DHX35: variants seen among roughly 807,000 people sequenced by gnomAD.
DHX35 encodes DEAH-box helicase 35.
Under a neutral mutation model 99.6 loss-of-function variants are expected in DHX35, and 84 were observed. That is an observed-to-expected ratio of 0.84 (90% CI 0.71 to 1.01). The LOEUF is 1.01. Ranked by LOEUF, DHX35 falls within the 50% of genes least tolerant of loss-of-function variation. DHX35 has a pLI of 0.00. For synonymous variants in DHX35, 331 were observed against 316.2 expected, an observed-to-expected ratio of 1.05 and a Z score of -0.50; for missense variants, 852 against 888.5, an observed-to-expected ratio of 0.96 and a Z score of 0.52.
At chr20:38,963,181 T>C (rs1265052342) in intron 1 of DHX35, among the ~76,000 whole-genome samples, 3 of 152,258 alleles carry the variant, frequency 2.0e-5, no homozygotes, top group Non-Finnish European at 4.4e-5. Context: ...TGAATGTGCA[T>C]ATGCCAGACC....
In DHX35 at chr20:38,991,655, C is replaced by T. The variant is rs1235571948; in HGVS notation, c.512+140C>T. ...TTCTCTTGACCTTGGCTGTTGGGAC[C>T]CTTGGTGTTTTTCTCAGAATTTAAA... On this transcript the variant is annotated intron_variant, in intron 6 of 21. Transcript: ENST00000252011. The T allele has an allele frequency of 6.1e-6, 4 of 660,318 alleles. No homozygotes were observed. In the South Asian group the frequency reaches 8.5e-5, roughly 14 times the overall value. 40.9% of individuals were successfully genotyped at this position (660,318 alleles called of 1,614,324 possible).
At chr20:39,001,414 G>C (rs2086518431) in intron 8 of DHX35, among the ~76,000 whole-genome samples, 1 of 152,168 alleles carries the variant, frequency 6.6e-6, no homozygotes, top group Non-Finnish European at 1.5e-5. Context: ...GAAATACAGA[G>C]GATAGGAATA....
intron 14 of DHX35, among the ~76,000 whole-genome samples, chr20:39,016,618 G>A (rs1033638164): frequency 1.3e-5 from 2 of 152,116 alleles, no homozygotes; most frequent in African/African-American, 4.8e-5. Context: ...TATAAATGTG[G>A]TTTTGGTGGA....
In DHX35 at chr20:39,025,428, T is replaced by A. The variant is rs943979671; in HGVS notation, c.1801+69T>A. ...CTGTTGAGTTGTCTTCCTAAAGTTC[T>A]CATGCTGGGCTGGTGCGAGGCAGTG... is the stretch of plus-strand genomic sequence containing the variant. On this transcript the variant is annotated intron_variant, in intron 18 of 21. Coordinates refer to ENST00000252011, the MANE Select transcript of DHX35 (RefSeq NM_021931.4). The A allele has an allele frequency of 2.2e-5, 35 of 1,576,460 alleles. No individual in the cohort carries two copies. The East Asian group carries it at 7.9e-4, about 36-fold the overall frequency.
At chr20:39,014,622 T>C (rs990463254) in intron 13 of DHX35, among the ~76,000 whole-genome samples, 1 of 152,020 alleles carries the variant, frequency 6.6e-6, no homozygotes, top group African/African-American at 2.4e-5. Flanking sequence ...ACCTATCACG[T>C]CTGATGGAGG....
At position 39,028,493 on chromosome 20, in the gene DHX35, C is replaced by G; in HGVS notation, c.1877C>G (p.Ala626Gly). 1.2e-6 allele frequency: 2 copies of G among 1,614,144 alleles called. No individual in the cohort carries two copies. The highest frequency in any genetic ancestry group is 1.7e-6 in the Non-Finnish European group (2 of 1,179,990). The change falls in exon 19 of 22, where the codon GCT becomes GGT. Residue 626 changes from alanine to glycine, a missense_variant. By Grantham distance (60) the Ala-to-Gly change is moderately conservative. Transcript: ENST00000252011. ...ANAARFHSTGAYRTIRDDHEL... is the reference protein window; with the variant it reads ...ANAARFHSTGGYRTIRDDHEL... ...GCAGCGAGGTTTCATTCTACTGGAGCTTATAGGTAACATGATACTTGGTGA... is the reference window on the plus strand; with the variant it reads ...GCAGCGAGGTTTCATTCTACTGGAGGTTATAGGTAACATGATACTTGGTGA...
intron 8 of DHX35, 96 bp downstream of exon 8, chr20:38,994,976 A>C (rs1404991788): frequency 7.6e-6 from 8 of 1,048,152 alleles, no homozygotes. Context: ...TATCTTTGGC[A>C]GAATGCCCTA....
chr20:39,001,730 A>T lies in DHX35; in HGVS notation c.643A>T (p.Lys215Ter). 1 of 1,600,932 alleles carries T rather than the reference A, an allele frequency of 6.2e-7. No homozygotes were observed. Among genetic ancestry groups the T allele is most frequent in the Admixed American group, 1.7e-5 (1 of 57,626 alleles). ...IVASATLDAD[K>*]FRDFFNQNET... ...GAAGAATTAATTTTTTTCTTTTTAG[A>T]AATTCCGGGATTTCTTTAATCAAAA... The change falls in exon 9 of 22, where the codon AAA becomes TAA. Residue 215 changes from lysine (K) to a stop codon, truncating the protein, a stop_gained and splice_region_variant. Coordinates refer to ENST00000252011, the MANE Select transcript of DHX35 (RefSeq NM_021931.4). LOFTEE classifies it high-confidence loss of function.
At chr20:38,976,461 CTG>C (rs2086079981) in intron 3 of DHX35, among the ~76,000 whole-genome samples, 5 of 142,714 alleles carry the variant, frequency 3.5e-5, no homozygotes, top group African/African-American at 1.0e-4. Flanking sequence ...TAAAAAAAAA[CTG>C]TTTTGAATTG....
intron 16 of DHX35, among the ~76,000 whole-genome samples, chr20:39,023,128 C>G (rs1254236497): frequency 6.6e-6 from 1 of 152,184 alleles, no homozygotes; most frequent in Non-Finnish European, 1.5e-5. Flanking sequence ...AACATTTTAT[C>G]AAATTTCTTT....
chr20:38,991,396 A>G, intron 5 of DHX35, 58 bp from the exon 6 acceptor site: 2 of 1,498,120 alleles, frequency 1.3e-6, no homozygotes, highest in Non-Finnish European at 1.8e-6. Flanking sequence ...CTTAAAAAAT[A>G]CCATTAATAT....
chr20:39,030,599 G>A (rs530687593), intron 19 of DHX35, 105 bp from the exon 20 acceptor site: 95 of 1,028,204 alleles, frequency 9.2e-5, no homozygotes, highest in Non-Finnish European at 1.2e-4. Context: ...TGCTTGTGAC[G>A]AGTTCAGTCT....
Position 39,020,988 on chromosome 20 carries a change from T to A in DHX35, c.1499-853T>A, listed in dbSNP as rs141299833. ...GAGAAACAGGATTCTAAGTGTGGAC[T>A]GGGGAAGTGCATCATTCATGAGATG... On this transcript the variant is annotated intron_variant, in intron 15 of 21. Coordinates refer to ENST00000252011, the MANE Select transcript of DHX35 (RefSeq NM_021931.4). Among the ~76,000 whole-genome samples the A allele has an allele frequency of 3.2e-3, 492 of 152,216 alleles. 4 individuals carry two copies. Among genetic ancestry groups the A allele is most frequent in the African/African-American group, 0.011 (470 of 41,540 alleles).
chr20:38,977,898 T>C (rs2086107152), intron 3 of DHX35: 3 of 577,656 alleles, frequency 5.2e-6, no homozygotes, highest in South Asian at 4.4e-5. Context: ...TTACTGGGGC[T>C]TTTTCTTCAG....
intron 17 of DHX35, 58 bp downstream of exon 17, chr20:39,023,825 T>C: frequency 6.3e-6 from 9 of 1,429,652 alleles, no homozygotes. Context: ...GGAGGTGATC[T>C]AGGAGGGAGG....
chr20:38,989,626 C>T (rs944144244), intron 5 of DHX35, among the ~76,000 whole-genome samples: 22 of 151,946 alleles, frequency 1.4e-4, no homozygotes, highest in Admixed American at 3.3e-4. Context: ...AAATAGCAAT[C>T]GAAATATAGA....
intron 6 of DHX35, 86 bp downstream of exon 6, chr20:38,991,601 C>G: frequency 8.2e-7 from 1 of 1,212,192 alleles, no homozygotes; most frequent in Non-Finnish European, 1.2e-6. Flanking sequence ...AGCTGGGATT[C>G]ACGTCTGTGT....
chr20:38,964,373 C>G (rs977565737), intron 1 of DHX35, among the ~76,000 whole-genome samples: 9 of 151,900 alleles, frequency 5.9e-5, no homozygotes, highest in African/African-American at 2.2e-4. Flanking sequence ...GTAAGGGCCT[C>G]ATTGTGAAAG....
chr20:38,967,915 C>T (rs2085933216), intron 1 of DHX35, among the ~76,000 whole-genome samples: 1 of 152,082 alleles, frequency 6.6e-6, no homozygotes, highest in Non-Finnish European at 1.5e-5. Flanking sequence ...CCTGTCTGTC[C>T]AGTATAAAAG....
Sources: allele counts gnomAD v4.1 joint callset (sites outside exome capture counted in the v4.1 genomes callset), GRCh38; gene constraint gnomAD v4.1.1; transcripts MANE v1.5; gene names NCBI Gene and HGNC (gene_info 2026-07-23, HGNC 2026-07-21).